ZNF607: variants seen among roughly 807,000 people sequenced by gnomAD.
ZNF607 encodes zinc finger protein 607.
ZNF607 carries 5 observed loss-of-function variants against 12.8 expected under a neutral mutation model. That is an observed-to-expected ratio of 0.39 (90% CI 0.20 to 0.82). The LOEUF is 0.82. ZNF607 is among the 40% of genes least tolerant of loss of function. The pLI is 0.39. For synonymous variants in ZNF607, 287 were observed against 276.2 expected, an observed-to-expected ratio of 1.04 and a Z score of -0.39; for missense variants, 851 against 859.2, an observed-to-expected ratio of 0.99 and a Z score of 0.12.
rs1218534644 is a variant in ZNF607, at chr19:37,699,674, G to A, written c.457C>T (p.His153Tyr). The A allele has an allele frequency of 6.2e-7, 1 of 1,614,052 alleles. No homozygotes were observed. Among genetic ancestry groups the A allele is most frequent in the African/African-American group, 1.3e-5 (1 of 75,018 alleles). ...QCEKFRKAFS[H>Y]LTDLRKHQKI... Reference sequence around the variant, plus strand: ...TGATGCTTTCTAAGGTCTGTAAGATGGCTAAATGCCTTCCTAAACTTTTCA... The same window carrying A: ...TGATGCTTTCTAAGGTCTGTAAGATAGCTAAATGCCTTCCTAAACTTTTCA... Residue 153 changes from histidine (H) to tyrosine (Y), a missense_variant, in exon 5 of 5, where the codon CAT becomes TAT. Physicochemically the swap from His to Tyr is moderately conservative, Grantham distance 83. Transcript: ENST00000355202.
In ZNF607 at chr19:37,715,035, T is replaced by G. The variant is rs960430511; in HGVS notation, c.-74-3343A>C. 2.0e-5 allele frequency among the ~76,000 whole-genome samples: 3 copies of G among 151,902 alleles called. No homozygotes were observed. In the East Asian group the frequency reaches 5.9e-4, roughly 30 times the overall value. ...TATTCTCCTGCCTCAGCTCTCCGAG[T>G]AGCTGGAACTACAGGCGTGTGCCAC... On this transcript the variant is annotated intron_variant, in intron 1 of 4. Coordinates refer to ENST00000355202, the MANE Select transcript of ZNF607 (RefSeq NM_032689.5).
chr19:37,712,894 GAT>G (rs1263389380), intron 1 of ZNF607, among the ~76,000 whole-genome samples: 1 of 152,076 alleles, frequency 6.6e-6, no homozygotes, highest in Non-Finnish European at 1.5e-5. Flanking sequence ...CCGGTTCTCA[GAT>G]ATGTTAGAAT....
chr19:37,696,670 T>C lies in ZNF607; in HGVS notation c.*1370A>G. 1.4e-6 allele frequency: 1 copy of C among 699,378 alleles called. No homozygotes were observed. Among genetic ancestry groups the C allele is most frequent in the Non-Finnish European group, 2.6e-6 (1 of 383,086 alleles). The allele number at this position is 699,378 out of a possible 1,614,324, so 43.3% of individuals were successfully genotyped here. On this transcript the variant is annotated 3_prime_UTR_variant, in exon 5 of 5. Transcript: ENST00000355202. The stretch of plus-strand genomic sequence containing the variant: ...CTGCCCTGCCGGCAGGCAGGTGATG[T>C]TCCGAGAGCATGAGAGCTGGTATGC...
intron 4 of ZNF607, among the ~76,000 whole-genome samples, chr19:37,702,179 C>T (rs756536442): frequency 3.4e-4 from 50 of 149,204 alleles, no homozygotes; most frequent in African/African-American, 1.1e-3. Context: ...CCCAGCTACT[C>T]GGGAGGCTGA....
At chr19:37,713,088 T>C (rs1333391906) in intron 1 of ZNF607, among the ~76,000 whole-genome samples, 1 of 151,908 alleles carries the variant, frequency 6.6e-6, no homozygotes, top group Non-Finnish European at 1.5e-5. Flanking sequence ...TTAATTTTGC[T>C]TTCTATCTAG....
intron 2 of ZNF607, 55 bp from the exon 3 acceptor site, chr19:37,709,877 C>T (rs1227075051): frequency 2.5e-6 from 4 of 1,591,542 alleles, no homozygotes; most frequent in Non-Finnish European, 3.4e-6. Flanking sequence ...AGTGGAGGGG[C>T]CGGGCACTGT....
intron 3 of ZNF607, 115 bp downstream of exon 3, chr19:37,709,581 A>C: frequency 1.6e-6 from 2 of 1,227,128 alleles, no homozygotes; most frequent in South Asian, 1.7e-5. Context: ...AGAAATAGAG[A>C]AAATAAATTT....
At position 37,698,039 on chromosome 19, in the gene ZNF607, A is replaced by G. The variant is rs751800717; in HGVS notation, c.*1T>C. 5 of 1,578,360 alleles carry G rather than the reference A, an allele frequency of 3.2e-6. No homozygotes were observed. Among genetic ancestry groups the G allele is most frequent in the Non-Finnish European group, 4.3e-6 (5 of 1,166,922 alleles). On this transcript the variant is annotated 3_prime_UTR_variant, in exon 5 of 5. Coordinates refer to ENST00000355202, the MANE Select transcript of ZNF607 (RefSeq NM_032689.5). ...TACCTGTATATGCCACAATTTCTCT[A>G]TCAAATATGAATTCTCTGATGTACT...
chr19:37,701,154 A>T (rs567586843), intron 4 of ZNF607, among the ~76,000 whole-genome samples: 1 of 152,340 alleles, frequency 6.6e-6, no homozygotes, highest in South Asian at 2.1e-4. Context: ...ACAATTCAGG[A>T]AGGGAACAGG....
chr19:37,698,636 G>T lies in ZNF607; in HGVS notation c.1495C>A (p.His499Asn). ...SHKLTIHRRV[H>N]TGEKPYECKE... ...CATTCATAAGGTTTCTCACCAGTAT[G>T]AACTCTGCGATGTATAGTGAGTTTA... The change falls in exon 5 of 5, where the codon CAT becomes AAT. Residue 499 changes from histidine to asparagine, a missense_variant. By Grantham distance (68) the His-to-Asn change is moderately conservative (BLOSUM62 1). Coordinates refer to ENST00000355202, the MANE Select transcript of ZNF607 (RefSeq NM_032689.5). 1 of 1,613,900 alleles carries T rather than the reference G, an allele frequency of 6.2e-7. No homozygotes were observed. Among genetic ancestry groups the T allele is most frequent in the Non-Finnish European group, 8.5e-7 (1 of 1,179,944 alleles).
At chr19:37,714,042 C>T (rs111509296) in intron 1 of ZNF607, among the ~76,000 whole-genome samples, 5,290 of 151,936 alleles carry the variant, frequency 0.035, 325 homozygotes, top group African/African-American at 0.12. Context: ...TGCACCCAGT[C>T]GGGCGCAGTG....
chr19:37,711,475 T>C, intron 2 of ZNF607, 135 bp downstream of exon 2: 6 of 875,148 alleles, frequency 6.9e-6, no homozygotes, highest in East Asian at 5.0e-5. Flanking sequence ...CATATTTTAC[T>C]GGAAGAATGA....
rs771651605 is a variant in ZNF607 at position 37,698,135 on chromosome 19, C to T, written c.1996G>A (p.Val666Ile). ...TTAAAGGGTTTCTCACCAGTATGAA[C>T]TCTATGATGTATACTAAGTTCATGG... The part of the protein sequence containing the change: ...SSHELSIHHR[V>I]HTGEKPFKCN... The change falls in exon 5 of 5, where the codon GTT (valine) becomes ATT (isoleucine). Residue 666 changes from valine to isoleucine, a missense_variant. Transcript: ENST00000355202. The T allele has an allele frequency of 2.5e-6, 4 of 1,613,978 alleles. No homozygotes were observed. The highest frequency in any genetic ancestry group is 1.3e-5 in the African/African-American group (1 of 74,914).
intron 1 of ZNF607, among the ~76,000 whole-genome samples, chr19:37,713,185 T>C (rs1439656981): frequency 6.6e-6 from 1 of 151,970 alleles, no homozygotes; most frequent in Non-Finnish European, 1.5e-5. Flanking sequence ...TCAGTGTAAT[T>C]TGTTCATAGC....
intron 4 of ZNF607, among the ~76,000 whole-genome samples, chr19:37,706,745 C>T (rs184325632): frequency 4.6e-5 from 7 of 152,096 alleles, no homozygotes; most frequent in African/African-American, 7.2e-5. Flanking sequence ...GGTTGGAGTG[C>T]GGTATTGTGA....
At chr19:37,716,149 T>C (rs748315817) in intron 1 of ZNF607, among the ~76,000 whole-genome samples, 2 of 152,146 alleles carry the variant, frequency 1.3e-5, no homozygotes, top group African/African-American at 4.8e-5. Context: ...TTGTGATTCA[T>C]GAAAGGGGTA....
chr19:37,703,168 C>G (rs910827752), intron 4 of ZNF607, among the ~76,000 whole-genome samples: 1 of 151,318 alleles, frequency 6.6e-6, no homozygotes. Flanking sequence ...AGGCTGGTCT[C>G]GAACTCCTGA....
Position 37,699,668 on chromosome 19 carries a change from T to A in ZNF607, c.463A>T (p.Thr155Ser). The change falls in exon 5 of 5, where the codon ACA (threonine) becomes TCA (serine). Residue 155 changes from threonine (T) to serine (S), a missense_variant. Physicochemically the swap from Thr to Ser is moderately conservative, Grantham distance 58. Transcript: ENST00000355202. ...ATTTTCTGATGCTTTCTAAGGTCTG[T>A]AAGATGGCTAAATGCCTTCCTAAAC... Reference protein sequence around the residue: ...EKFRKAFSHLTDLRKHQKINA... With the variant: ...EKFRKAFSHLSDLRKHQKINA... 1 of 1,614,154 alleles carries A rather than the reference T, an allele frequency of 6.2e-7. No homozygotes were observed. The highest frequency in any genetic ancestry group is 1.3e-5 in the African/African-American group (1 of 75,068).
chr19:37,699,768 C>T lies in ZNF607; in HGVS notation c.363G>A (p.Lys121=). 6.2e-7 allele frequency: 1 copy of T among 1,614,052 alleles called. No homozygotes were observed. Among genetic ancestry groups the T allele is most frequent in the Middle Eastern group, 1.7e-4 (1 of 6,058 alleles). Residue 121 remains lysine (K), a synonymous_variant, in exon 5 of 5, where the codon AAG becomes AAA. Transcript: ENST00000355202. ...TGAGTTCTGTAAGATGACTAAAGGA[C>T]TTCTGACATTGCTTACACTCATATG... ...QKPYECKQCQ[K]SFSHLTELMV...
Sources: gnomAD v4.1 joint callset for allele counts (sites outside exome capture counted in the v4.1 genomes callset) on GRCh38, gnomAD v4.1.1 for gene constraint, MANE v1.5 for transcripts, NCBI Gene and HGNC (gene_info 2026-07-23, HGNC 2026-07-21) for gene names.